Variants in ITGB6 observed in about 807,000 individuals in gnomAD.
ITGB6 encodes integrin beta-6.
Under a neutral mutation model 84.5 loss-of-function variants are expected in ITGB6, and 80 were observed. The observed-to-expected ratio is 0.95, with a 90% confidence interval of 0.79 to 1.14. The LOEUF is 1.14. Ranked by LOEUF, ITGB6 falls within the 50% of genes most tolerant of loss-of-function variation. The pLI, the probability that ITGB6 is intolerant of heterozygous loss-of-function variation, is 0.00. For missense variants in ITGB6, 1,006 were observed against 968.0 expected (o/e 1.04, Z -0.52); for synonymous variants, 383 against 354.9 (o/e 1.08, Z -0.89).
chr2:160,130,084 C>T (rs913189463), intron 10 of ITGB6, among the ~76,000 whole-genome samples: 2 of 152,034 alleles, frequency 1.3e-5, no homozygotes, highest in Admixed American at 1.3e-4. Flanking sequence ...CTGCTGCACA[C>T]CTAGGTTATA....
intron 10 of ITGB6, among the ~76,000 whole-genome samples, chr2:160,130,708 C>G (rs1472482097): frequency 6.6e-6 from 1 of 152,116 alleles, no homozygotes; most frequent in Non-Finnish European, 1.5e-5. Context: ...AAATGATCTT[C>G]TAAACTACAA....
intron 12 of ITGB6, among the ~76,000 whole-genome samples, chr2:160,112,445 G>C (rs1380812566): frequency 6.6e-6 from 1 of 151,974 alleles, no homozygotes; most frequent in African/African-American, 2.4e-5. Flanking sequence ...AAACGGATAC[G>C]GGCAGGATTG....
rs1467456050 is a variant in ITGB6, at chr2:160,123,858, A to T, written c.1914T>A (p.Ala638=). 1 of 1,613,946 alleles carries T rather than the reference A, an allele frequency of 6.2e-7. No homozygotes were observed. The highest frequency in any genetic ancestry group is 1.3e-5 in the African/African-American group (1 of 74,946). The change falls in exon 12 of 15, where the codon GCT becomes GCA. Residue 638 remains alanine (A), a synonymous_variant. Coordinates refer to ENST00000283249, the MANE Select transcript of ITGB6 (RefSeq NM_000888.5). ...CCACACATTCTTCTCGGGCTTGGCCAGCTGCTGACAGGTGGCACTCAATGC... is the reference window on the plus strand; with the variant it reads ...CCACACATTCTTCTCGGGCTTGGCCTGCTGCTGACAGGTGGCACTCAATGC... ...RSCIECHLSA[A]GQAREECVDK...
chr2:160,173,882 GA>G, intron 5 of ITGB6, 91 bp downstream of exon 5: 1 of 1,125,072 alleles, frequency 8.9e-7, no homozygotes. Context: ...GAGATCAAAG[GA>G]AAGGAAATTA....
intron 12 of ITGB6, among the ~76,000 whole-genome samples, chr2:160,113,886 T>G (rs1682639168): frequency 6.6e-6 from 1 of 152,194 alleles, no homozygotes; most frequent in South Asian, 2.1e-4. Flanking sequence ...CTAGGGTTCA[T>G]GAAGTCTTGG....
chr2:160,188,330 G>A (rs11896610), intron 4 of ITGB6, among the ~76,000 whole-genome samples: 31,529 of 152,048 alleles, frequency 0.21, 7,236 homozygotes, highest in African/African-American at 0.55. Context: ...ATGGAAATGG[G>A]AAACATATAA....
chr2:160,157,374 A>G (rs1024017961), intron 7 of ITGB6, among the ~76,000 whole-genome samples: 1 of 152,112 alleles, frequency 6.6e-6, no homozygotes, highest in Non-Finnish European at 1.5e-5. Context: ...CTAAAGCCTT[A>G]GTTTTAACTG....
At chr2:160,105,842 ACC>A (rs766322373) in intron 14 of ITGB6, among the ~76,000 whole-genome samples, 9 of 152,222 alleles carry the variant, frequency 5.9e-5, no homozygotes, top group Non-Finnish European at 1.0e-4. Context: ...GTTCTAAGTC[ACC>A]AAGCTAACCT....
Position 160,195,615 on chromosome 2 carries a change from C to T in ITGB6, c.347G>A (p.Gly116Asp). The change falls in exon 4 of 15, where the codon GGT (glycine) becomes GAT (aspartate). Residue 116 changes from glycine to aspartate, a missense_variant and splice_region_variant. Physicochemically the swap from Gly to Asp is moderately conservative, Grantham distance 94. Coordinates refer to ENST00000283249, the MANE Select transcript of ITGB6 (RefSeq NM_000888.5). ...ATGCACCTGCAGAGTCTGCGCACCA[C>T]CTGCAAAGCCCAACAGGAAAAGCAA... ...PQSLILKLRPGGAQTLQVHVR... is the reference protein window; with the variant it reads ...PQSLILKLRPDGAQTLQVHVR... 1.2e-6 allele frequency: 2 copies of T among 1,613,726 alleles called. No homozygotes were observed. The highest frequency in any genetic ancestry group is 8.5e-7 in the Non-Finnish European group (1 of 1,179,888).
At chr2:160,115,484 AG>A (rs1682726363) in intron 12 of ITGB6, among the ~76,000 whole-genome samples, 2 of 152,252 alleles carry the variant, frequency 1.3e-5, no homozygotes, top group Non-Finnish European at 2.9e-5. Context: ...ACAAACAGAA[AG>A]GACATCCACA....
intron 10 of ITGB6, among the ~76,000 whole-genome samples, chr2:160,128,390 G>A (rs1574061402): frequency 6.6e-6 from 1 of 152,136 alleles, no homozygotes; most frequent in Non-Finnish European, 1.5e-5. Context: ...AGTGTGGCAG[G>A]TGGGGAAATG....
intron 8 of ITGB6, among the ~76,000 whole-genome samples, chr2:160,140,092 A>G (rs564146932): frequency 1.3e-5 from 2 of 152,308 alleles, no homozygotes; most frequent in South Asian, 4.1e-4. Context: ...TTTATAGACT[A>G]GAAAGAAATT....
chr2:160,112,075 CCCA>C lies in ITGB6; in HGVS notation c.2101+2_2101+4del, dbSNP rs747181161. ...GCCATCGGCAATGGAAGGCAAAACA[CCCA>C]CCTTTTTCATTGATGCTGTGAATGA... On this transcript the variant is annotated splice_donor_variant and splice_donor_region_variant and intron_variant, in intron 13 of 14. Coordinates refer to ENST00000283249, the MANE Select transcript of ITGB6 (RefSeq NM_000888.5). LOFTEE classifies it high-confidence loss of function. 4 of 1,611,868 alleles carry C rather than the reference CCCA, an allele frequency of 2.5e-6. No individual in the cohort carries two copies. Among genetic ancestry groups the C allele is most frequent in the Non-Finnish European group, 3.4e-6 (4 of 1,179,608 alleles).
rs112921891 is a variant in ITGB6 at position 160,152,022 on chromosome 2, G to A, written c.1018-9951C>T. Reference sequence around the variant, plus strand: ...CAGCCGAATTCTAACAGAGATACAAGGAGGAGCTGGTACCACTCCTTCTGA... The same window carrying A: ...CAGCCGAATTCTAACAGAGATACAAAGAGGAGCTGGTACCACTCCTTCTGA... On this transcript the variant is annotated intron_variant, in intron 7 of 14. Transcript: ENST00000283249. 8.7e-3 allele frequency among the ~76,000 whole-genome samples: 1,327 copies of A among 152,226 alleles called. 27 individuals carry two copies. The highest frequency in any genetic ancestry group is 0.031 in the African/African-American group (1,281 of 41,534).
chr2:160,199,947 T>C (rs1173049150), intron 1 of ITGB6, 56 bp downstream of exon 1: 1 of 1,342,368 alleles, frequency 7.4e-7, no homozygotes, highest in African/African-American at 1.4e-5. Context: ...CTGAACCAAA[T>C]GACAGGTTTG....
chr2:160,193,889 G>A (rs1302446260), intron 4 of ITGB6, among the ~76,000 whole-genome samples: 1 of 152,238 alleles, frequency 6.6e-6, no homozygotes, highest in Non-Finnish European at 1.5e-5. Context: ...GGGCGCGGTG[G>A]CTCACGCATG....
chr2:160,147,334 C>T (rs1684236348), intron 7 of ITGB6, among the ~76,000 whole-genome samples: 1 of 151,992 alleles, frequency 6.6e-6, no homozygotes, highest in African/African-American at 2.4e-5. Context: ...TTATGGTTAA[C>T]AAGAATATCT....
Position 160,126,470 on chromosome 2 carries a change from C to T in ITGB6, c.1792G>A (p.Val598Ile). 6.2e-7 allele frequency: 1 copy of T among 1,614,214 alleles called. No homozygotes were observed. Among genetic ancestry groups the T allele is most frequent in the East Asian group, 2.2e-5 (1 of 44,886 alleles). The change falls in exon 11 of 15, where the codon GTT becomes ATT. Residue 598 changes from valine to isoleucine, a missense_variant. Transcript: ENST00000283249. ...GVLCSGRGDC[V>I]CGKCVCTNPG... Reference sequence around the variant, plus strand: ...TTTGTGCAAACACACTTGCCACAAACACAGTCCCCGCGCCCGCTGCAGAGC... The same window carrying T: ...TTTGTGCAAACACACTTGCCACAAATACAGTCCCCGCGCCCGCTGCAGAGC...
At chr2:160,195,937 C>T (rs531374927) in intron 3 of ITGB6, among the ~76,000 whole-genome samples, 2 of 152,308 alleles carry the variant, frequency 1.3e-5, no homozygotes, top group African/African-American at 4.8e-5. Flanking sequence ...TTTAAATCTA[C>T]ATTACAACCC....
Sources: allele counts gnomAD v4.1 joint callset (sites outside exome capture counted in the v4.1 genomes callset), GRCh38; gene constraint gnomAD v4.1.1; transcripts MANE v1.5; gene names NCBI Gene and HGNC (gene_info 2026-07-23, HGNC 2026-07-21).